The following SEL1L2 variants were observed in gnomAD, a reference collection of about 807,000 sequenced individuals.
SEL1L2 encodes SEL1L2 adaptor subunit of SYVN1 ubiquitin ligase.
A neutral mutation model predicts 98.8 loss-of-function variants in SEL1L2; 89 were observed. The observed-to-expected ratio is 0.90, with a 90% CI of 0.76 to 1.07. The LOEUF (loss-of-function observed/expected upper bound fraction) is 1.07, where lower values mean the gene tolerates loss of function less well. SEL1L2 is among the 50% of genes least tolerant of loss of function. SEL1L2 has a pLI of 0.00. For synonymous variants in SEL1L2, 262 were observed against 278.5 expected (o/e 0.94, Z 0.59); for missense variants, 788 against 812.0 (o/e 0.97, Z 0.36).
intron 1 of SEL1L2, among the ~76,000 whole-genome samples, chr20:13,971,259 G>A (rs2051271421): frequency 6.6e-6 from 1 of 152,022 alleles, no homozygotes; most frequent in African/African-American, 2.4e-5. Flanking sequence ...TCACCATAGA[G>A]GTCTTAAATC....
At position 13,869,727 on chromosome 20, in the gene SEL1L2, A is replaced by C. The variant is rs1349760927; in HGVS notation, c.1168-137T>G. The C allele has an allele frequency of 5.0e-6, 3 of 597,438 alleles. No homozygotes were observed. In the African/African-American group the frequency reaches 5.5e-5, roughly 11 times the overall value. The allele number at this position is 597,438 out of a possible 1,614,324, so 37.0% of individuals were successfully genotyped here. On this transcript the variant is annotated intron_variant, in intron 13 of 19. Transcript: ENST00000284951. ...ATTAAAATAGTATCAGAAACATTATATATTTTATTTCATTATTATATTAGA... is the reference window on the plus strand; with the variant it reads ...ATTAAAATAGTATCAGAAACATTATCTATTTTATTTCATTATTATATTAGA...
chr20:13,919,162 T>A (rs1382871857), intron 3 of SEL1L2, 39 bp from the exon 4 acceptor site: 2 of 1,174,908 alleles, frequency 1.7e-6, no homozygotes, highest in South Asian at 2.6e-5. Flanking sequence ...CAATATTACT[T>A]CTATGTTCCA....
intron 18 of SEL1L2, among the ~76,000 whole-genome samples, chr20:13,850,799 C>T (rs1164923051): frequency 1.3e-5 from 2 of 152,176 alleles, no homozygotes; most frequent in African/African-American, 2.4e-5. Flanking sequence ...CCTACAGAAA[C>T]CGTGAGATAA....
At chr20:13,874,138 G>A (rs1283392643) in intron 12 of SEL1L2, among the ~76,000 whole-genome samples, 1 of 152,196 alleles carries the variant, frequency 6.6e-6, no homozygotes, top group Non-Finnish European at 1.5e-5. Flanking sequence ...CATGCTCAGG[G>A]CGCAAGAGAG....
intron 18 of SEL1L2, among the ~76,000 whole-genome samples, chr20:13,852,259 T>A (rs1424758885): frequency 1.3e-5 from 2 of 152,140 alleles, no homozygotes; most frequent in Non-Finnish European, 1.5e-5. Flanking sequence ...ATTTAGTATT[T>A]TATAGTAAAA....
chr20:13,950,499 T>C (rs2050212264), intron 2 of SEL1L2, among the ~76,000 whole-genome samples: 1 of 152,034 alleles, frequency 6.6e-6, no homozygotes, highest in South Asian at 2.1e-4. Context: ...GCAAATCGAT[T>C]TGAGGTCCTG....
At chr20:13,962,128 A>T (rs1189554537) in intron 1 of SEL1L2, among the ~76,000 whole-genome samples, 3 of 152,136 alleles carry the variant, frequency 2.0e-5, no homozygotes, top group African/African-American at 7.2e-5. Context: ...CATGAAAGAG[A>T]CATGAATCGT....
chr20:13,869,386 T>G, intron 14 of SEL1L2, 117 bp downstream of exon 14: 1 of 728,520 alleles, frequency 1.4e-6, no homozygotes, highest in Non-Finnish European at 2.4e-6. Flanking sequence ...TTTAATTTGT[T>G]GCCTAAATGT....
At chr20:13,994,297 A>C (rs1279086412), upstream of SEL1L2, among the ~76,000 whole-genome samples, 3 of 27,350 alleles carry the variant, frequency 1.1e-4, no homozygotes, top group African/African-American at 3.0e-4. Flanking sequence ...CTCTGCCTCA[A>C]AAAAAAAAAA....
chr20:13,939,510 A>G (rs2049644374), intron 2 of SEL1L2, among the ~76,000 whole-genome samples: 1 of 152,150 alleles, frequency 6.6e-6, no homozygotes, highest in Non-Finnish European at 1.5e-5. Context: ...ATTTGATGCT[A>G]AATATTTCAG....
At chr20:13,931,054 T>G (rs2049122002) in intron 3 of SEL1L2, among the ~76,000 whole-genome samples, 1 of 151,722 alleles carries the variant, frequency 6.6e-6, no homozygotes, top group Non-Finnish European at 1.5e-5. Flanking sequence ...ATCTATTTTT[T>G]TTTTTTTTTG....
In SEL1L2 at chr20:13,914,643, C is replaced by A. The variant is rs368490230; in HGVS notation, c.387-699G>T. Among the ~76,000 whole-genome samples the A allele has an allele frequency of 8.5e-5, 13 of 152,298 alleles. No individual in the cohort carries two copies. The East Asian group carries it at 1.5e-3, about 18-fold the overall frequency. ...GAAATGGGGATAGCATTATAGCACCCACTTCATAGGGTTGCTGTGGAGATT... is the reference window on the plus strand; with the variant it reads ...GAAATGGGGATAGCATTATAGCACCAACTTCATAGGGTTGCTGTGGAGATT... On this transcript the variant is annotated intron_variant, in intron 4 of 19. Coordinates refer to ENST00000284951, the MANE Select transcript of SEL1L2 (RefSeq NM_025229.2).
chr20:13,917,344 G>T (rs1188798580), intron 4 of SEL1L2, among the ~76,000 whole-genome samples: 1 of 152,112 alleles, frequency 6.6e-6, no homozygotes, highest in Non-Finnish European at 1.5e-5. Flanking sequence ...GGGAGGCCCA[G>T]GTTTTGCTGT....
chr20:13,967,095 C>T (rs2051080584), intron 1 of SEL1L2, among the ~76,000 whole-genome samples: 1 of 151,828 alleles, frequency 6.6e-6, no homozygotes, highest in Non-Finnish European at 1.5e-5. Flanking sequence ...ATTGACCAGG[C>T]TGGTCTTGAA....
chr20:13,882,905 C>T (rs1428229316), intron 10 of SEL1L2, among the ~76,000 whole-genome samples: 3 of 150,304 alleles, frequency 2.0e-5, no homozygotes, highest in African/African-American at 7.3e-5. Flanking sequence ...CAAGCTCCGC[C>T]TCCCGGGTTC....
chr20:13,861,137 C>T (rs565001557), intron 17 of SEL1L2, among the ~76,000 whole-genome samples: 2 of 152,208 alleles, frequency 1.3e-5, no homozygotes, highest in African/African-American at 4.8e-5. Flanking sequence ...CTTTCCAACC[C>T]GTTCTTCACA....
chr20:13,897,822 G>A (rs1391249891), intron 5 of SEL1L2, among the ~76,000 whole-genome samples: 1 of 151,956 alleles, frequency 6.6e-6, no homozygotes, highest in Non-Finnish European at 1.5e-5. Context: ...CCAAGATCGT[G>A]CCACTGCACT....
chr20:13,870,961 G>A (rs889211883), intron 12 of SEL1L2, among the ~76,000 whole-genome samples: 5 of 149,038 alleles, frequency 3.4e-5, no homozygotes, highest in African/African-American at 9.8e-5. Flanking sequence ...GATTGAGAGT[G>A]TTGCAGACAC....
chr20:13,868,040 A>G (rs2046007762), intron 14 of SEL1L2, among the ~76,000 whole-genome samples: 1 of 151,984 alleles, frequency 6.6e-6, no homozygotes, highest in African/African-American at 2.4e-5. Context: ...TGTCTTGGCC[A>G]CTTCCTCTCT....
Sources: allele counts gnomAD v4.1 joint callset (sites outside exome capture counted in the v4.1 genomes callset), GRCh38; gene constraint gnomAD v4.1.1; transcripts MANE v1.5; gene names NCBI Gene and HGNC (gene_info 2026-07-23, HGNC 2026-07-21).